CEP57L1: variants seen among roughly 807,000 people sequenced by gnomAD.
CEP57L1 encodes centrosomal protein 57 like 1, also known as centrosomal protein CEP57L1.
In CEP57L1, 37 loss-of-function variants were observed where a neutral mutation model predicts 61.0. The ratio of observed to expected loss-of-function variants is 0.61; its 90% CI spans 0.47 to 0.80. The LOEUF is 0.80. Among genes scored for constraint, CEP57L1 ranks in the 30% least tolerant of loss-of-function variants. CEP57L1 has a pLI of 0.00. For synonymous variants in CEP57L1, 137 were observed against 162.3 expected (o/e 0.84, Z 1.19); for missense variants, 422 against 524.7 (o/e 0.80, Z 1.91).
intron 1 of CEP57L1, among the ~76,000 whole-genome samples, chr6:109,120,914 A>G (rs73762646): frequency 0.068 from 764 of 11,244 alleles, 6 homozygotes; most frequent in Middle Eastern, 0.15. Context: ...AGACACACGC[A>G]CACACACACA....
chr6:109,151,507 T>C (rs1269075405), intron 4 of CEP57L1, among the ~76,000 whole-genome samples: 1 of 152,202 alleles, frequency 6.6e-6, no homozygotes, highest in East Asian at 1.9e-4. Context: ...TTTCATACAT[T>C]TTATTTCTGC....
chr6:109,154,141 T>C (rs1209902613), intron 5 of CEP57L1, among the ~76,000 whole-genome samples, 192 bp downstream of exon 5: 5 of 152,216 alleles, frequency 3.3e-5, no homozygotes, highest in Non-Finnish European at 7.4e-5. Context: ...GAGCTGTCTT[T>C]TGATGTGAAA....
intron 7 of CEP57L1, 38 bp from the exon 8 acceptor site, chr6:109,158,987 T>C: frequency 1.3e-6 from 2 of 1,572,560 alleles, no homozygotes; most frequent in Non-Finnish European, 1.7e-6. Context: ...ACTTTTAAAA[T>C]AATTTCTTGT....
chr6:109,161,714 A>G (rs1287494951), intron 10 of CEP57L1, among the ~76,000 whole-genome samples: 1 of 152,116 alleles, frequency 6.6e-6, no homozygotes, highest in Non-Finnish European at 1.5e-5. Flanking sequence ...TTGAAATTGC[A>G]TTGGAGAAAC....
In CEP57L1 at chr6:109,170,999, A is replaced by G. The variant is rs960352559; in HGVS notation, c.*8029A>G. Among the ~76,000 whole-genome samples, 14 of 152,290 alleles carry G rather than the reference A, an allele frequency of 9.2e-5. No individual in the cohort carries two copies. The highest frequency in any genetic ancestry group is 5.2e-4 in the Admixed American group (8 of 15,288). On this transcript the variant is annotated 3_prime_UTR_variant, in exon 11 of 11. Coordinates refer to ENST00000517392, the MANE Select transcript of CEP57L1 (RefSeq NM_001271852.3). ...AAACTTATTCTATTTTATGTATATA[A>G]CTTCTCCTTTATAAGCTTAGAAAAA... is the stretch of plus-strand genomic sequence containing the variant.
At chr6:109,162,348 C>G (rs554553182) in intron 10 of CEP57L1, among the ~76,000 whole-genome samples, 4 of 152,164 alleles carry the variant, frequency 2.6e-5, no homozygotes, top group Admixed American at 6.5e-5. Flanking sequence ...TCTCTGTTCT[C>G]TAGTTTTTAC....
intron 10 of CEP57L1, among the ~76,000 whole-genome samples, chr6:109,161,400 G>A (rs1367731885): frequency 6.6e-6 from 1 of 152,118 alleles, no homozygotes; most frequent in Non-Finnish European, 1.5e-5. Context: ...AAAGCAGAGG[G>A]AGCCTTTCCC....
At chr6:109,138,198 A>G (rs1770951516) in intron 1 of CEP57L1, among the ~76,000 whole-genome samples, 2 of 152,204 alleles carry the variant, frequency 1.3e-5, no homozygotes, top group South Asian at 2.1e-4. Flanking sequence ...TCTCTGAGTA[A>G]GACGTGAAGC....
chr6:109,168,250 A>T lies in CEP57L1; in HGVS notation c.*5280A>T, dbSNP rs988409773. On this transcript the variant is annotated 3_prime_UTR_variant, in exon 11 of 11. Coordinates refer to ENST00000517392, the MANE Select transcript of CEP57L1 (RefSeq NM_001271852.3). ...ATACCAGTTCCTTTAGTAATTTCAA[A>T]ATGCCGGCCATAGCCAGTCTATAAT... Among the ~76,000 whole-genome samples, 2 of 152,250 alleles carry T rather than the reference A, an allele frequency of 1.3e-5. No homozygotes were observed. The highest frequency in any genetic ancestry group is 2.9e-5 in the Non-Finnish European group (2 of 68,048).
At chr6:109,125,526 T>TA (rs1773462674) in intron 1 of CEP57L1, among the ~76,000 whole-genome samples, 1 of 122,526 alleles carries the variant, frequency 8.2e-6, no homozygotes, top group African/African-American at 3.1e-5. Flanking sequence ...ATATATATAT[T>TA]TTTTTTTTAA....
At chr6:109,158,082 GC>G (rs1397475014) in intron 7 of CEP57L1, 1 of 152,354 alleles carries the variant, frequency 6.6e-6, no homozygotes, top group East Asian at 1.9e-4. Flanking sequence ...TTTGTGGTTG[GC>G]TTTTTTCCCT....
chr6:109,143,751 A>T (rs969552617), intron 1 of CEP57L1, among the ~76,000 whole-genome samples: 4 of 152,148 alleles, frequency 2.6e-5, no homozygotes, highest in Non-Finnish European at 5.9e-5. Flanking sequence ...AGACCTCCCA[A>T]GGACTTCAGT....
chr6:109,121,861 T>C (rs1773015801), intron 1 of CEP57L1, among the ~76,000 whole-genome samples: 1 of 152,180 alleles, frequency 6.6e-6, no homozygotes, highest in African/African-American at 2.4e-5. Flanking sequence ...TTTATAGTTA[T>C]TTTGAAAACA....
intron 1 of CEP57L1, among the ~76,000 whole-genome samples, chr6:109,106,567 A>G (rs556456369): frequency 3.4e-4 from 52 of 152,270 alleles, no homozygotes; most frequent in Non-Finnish European, 1.3e-4. Flanking sequence ...TTTAACTTAC[A>G]AGTTGTACTA....
At chr6:109,115,462 T>C (rs966885983) in intron 1 of CEP57L1, among the ~76,000 whole-genome samples, 12 of 152,126 alleles carry the variant, frequency 7.9e-5, no homozygotes, top group African/African-American at 2.7e-4. Context: ...AATGGAAAAA[T>C]GTTAACTTTA....
intron 1 of CEP57L1, among the ~76,000 whole-genome samples, chr6:109,109,528 A>T (rs954716343): frequency 6.6e-6 from 1 of 152,144 alleles, no homozygotes; most frequent in Non-Finnish European, 1.5e-5. Context: ...TTTAAATATT[A>T]GAATGAAAAG....
chr6:109,153,102 C>T lies in CEP57L1; in HGVS notation c.463-731C>T, dbSNP rs62427240. Reference sequence around the variant, plus strand: ...CTCCAGCCTGGGCAACAGCAAGACTCTGTCTCAAAAAAAAAAAAGAAAAGA... The same window carrying T: ...CTCCAGCCTGGGCAACAGCAAGACTTTGTCTCAAAAAAAAAAAAGAAAAGA... On this transcript the variant is annotated intron_variant, in intron 4 of 10. Coordinates refer to ENST00000517392, the MANE Select transcript of CEP57L1 (RefSeq NM_001271852.3). Among the ~76,000 whole-genome samples, 772 of 146,974 alleles carry T rather than the reference C, an allele frequency of 5.3e-3. 7 individuals carry two copies. Among genetic ancestry groups the T allele is most frequent in the Non-Finnish European group, 6.4e-3 (433 of 67,384 alleles).
intron 1 of CEP57L1, among the ~76,000 whole-genome samples, chr6:109,106,738 A>C (rs1252694600): frequency 1.3e-5 from 2 of 151,936 alleles, no homozygotes; most frequent in Non-Finnish European, 2.9e-5. Flanking sequence ...AGATCAGCCT[A>C]AGCCAACATG....
At chr6:109,162,503 C>T (rs979847397) in intron 10 of CEP57L1, among the ~76,000 whole-genome samples, 1 of 151,882 alleles carries the variant, frequency 6.6e-6, no homozygotes, top group Non-Finnish European at 1.5e-5. Context: ...CACATATGTG[C>T]TTTTTTTCAC....
Sources: gnomAD v4.1 joint callset for allele counts (sites outside exome capture counted in the v4.1 genomes callset) on GRCh38, gnomAD v4.1.1 for gene constraint, MANE v1.5 for transcripts, NCBI Gene and HGNC (gene_info 2026-07-23, HGNC 2026-07-21) for gene names.